USP33: variants seen among roughly 807,000 people sequenced by gnomAD.
USP33 encodes the protein ubiquitin specific peptidase 33.
A neutral mutation model predicts 124.2 loss-of-function variants in USP33; 46 were observed. That is an observed-to-expected ratio of 0.37 (90% CI 0.29 to 0.47). The LOEUF (loss-of-function observed/expected upper bound fraction) is 0.47, where lower values mean the gene tolerates loss of function less well. USP33 is among the 20% of genes least tolerant of loss of function. The probability of loss-of-function intolerance (pLI) is 0.99; values close to 1 mark genes in which losing one functional copy is unlikely to be tolerated. For synonymous variants in USP33, 350 were observed against 352.3 expected, an observed-to-expected ratio of 0.99 and a Z score of 0.07; for missense variants, 851 against 1,070.6, an observed-to-expected ratio of 0.79 and a Z score of 2.86.
At chr1:77,736,485 G>A (rs1378970754) in intron 5 of USP33, among the ~76,000 whole-genome samples, 1 of 152,156 alleles carries the variant, frequency 6.6e-6, no homozygotes, top group Non-Finnish European at 1.5e-5. Context: ...ATCTCCGAAG[G>A]ATACTATCCT....
At chr1:77,731,447 T>C (rs1220310820) in intron 7 of USP33, among the ~76,000 whole-genome samples, 2 of 152,196 alleles carry the variant, frequency 1.3e-5, no homozygotes, top group Non-Finnish European at 2.9e-5. Context: ...GGAAACTGAT[T>C]AGGCAAAGGA....
intron 15 of USP33, among the ~76,000 whole-genome samples, chr1:77,720,165 GAAAAAAAAAAAAAA>G (rs745681259): frequency 7.0e-4 from 30 of 42,746 alleles, no homozygotes; most frequent in East Asian, 2.4e-3. Context: ...TGTCTCAAAT[GAAAAAAAAAAAAAA>G]AAAAAAAAAA....
At chr1:77,722,222 TG>T in intron 12 of USP33, 26 bp from the exon 13 acceptor site, 1 of 1,596,264 alleles carries the variant, frequency 6.3e-7, no homozygotes, top group Non-Finnish European at 8.5e-7. Context: ...GTTTTAAAAA[TG>T]GGATGAACAT....
At position 77,696,548 on chromosome 1, in the gene USP33, T is replaced by G. The variant is rs1673455444; in HGVS notation, c.*769A>C. ...CCTGAGCTTTAGGAAATTAACAATT[T>G]TCTGACTACTACTTTCAACTTAAAA... On this transcript the variant is annotated 3_prime_UTR_variant, in exon 24 of 24. Transcript: ENST00000370794. 6.6e-6 allele frequency: 1 copy of G among 152,578 alleles called. No individual in the cohort carries two copies. The highest frequency in any genetic ancestry group is 1.5e-5 in the Non-Finnish European group (1 of 68,048). 9.5% of individuals were successfully genotyped at this position (152,578 alleles called of 1,614,324 possible). A position where few individuals can be genotyped will look rare whatever the true frequency, so the allele number is the denominator to read the frequency against.
Position 77,697,356 on chromosome 1 carries a change from T to C in USP33, c.2697A>G (p.Gln899=), listed in dbSNP as rs1673517235. ...PVVHVDPDIL[Q]AEEKIEVETR... ...TTTCTACTTCAATTTTTTCTTCTGC[T>C]TGAAGTATATCTGGATCAACATGAA... is the stretch of plus-strand genomic sequence containing the variant. The change falls in exon 24 of 24, where the codon CAA becomes CAG. Residue 899 remains glutamine (Q), a synonymous_variant. Transcript: ENST00000370794. The C allele has an allele frequency of 6.2e-7, 1 of 1,609,616 alleles. No individual in the cohort carries two copies. The highest frequency in any genetic ancestry group is 1.1e-5 in the South Asian group (1 of 89,790).
intron 19 of USP33, among the ~76,000 whole-genome samples, chr1:77,714,066 A>G (rs571362804): frequency 6.6e-6 from 1 of 152,354 alleles, no homozygotes; most frequent in African/African-American, 2.4e-5. Flanking sequence ...TATTTATTGT[A>G]GAAATAAACA....
chr1:77,728,537 C>T lies in USP33; in HGVS notation c.893G>A (p.Arg298Lys), dbSNP rs1677423263. 1 of 1,613,988 alleles carries T rather than the reference C, an allele frequency of 6.2e-7. No individual in the cohort carries two copies. The highest frequency in any genetic ancestry group is 8.5e-7 in the Non-Finnish European group (1 of 1,180,020). The change falls in exon 10 of 24, where the codon AGA becomes AAA. Residue 298 changes from arginine to lysine, a missense_variant. Arg to Lys is a conservative substitution (Grantham distance 26). Transcript: ENST00000370794. Reference protein sequence around the residue: ...QSCESCSNSDRAENENGSRCF... With the variant: ...QSCESCSNSDKAENENGSRCF... ...TCTAGAGCCATTTTCATTTTCTGCT[C>T]TATCACTGTTGCTACAAGATTCACA...
chr1:77,718,664 CAATT>C, intron 15 of USP33, 23 bp from the exon 16 acceptor site: 1 of 1,575,112 alleles, frequency 6.3e-7, no homozygotes. Context: ...AAGAGAAAAT[CAATT>C]AGTCTACAAA....
chr1:77,734,395 A>G lies in USP33; in HGVS notation c.476T>C (p.Ile159Thr), dbSNP rs1678183607. 3 of 1,598,646 alleles carry G rather than the reference A, an allele frequency of 1.9e-6. No homozygotes were observed. Among genetic ancestry groups the G allele is most frequent in the Admixed American group, 3.5e-5 (2 of 56,660 alleles). Reference protein sequence around the residue: ...RARGLTGLKNIGNTCYMNAAL... With the variant: ...RARGLTGLKNTGNTCYMNAAL... ...TGCATTCATGTAACAAGTATTTCCA[A>G]TATTTTTCAAACCTGTAAGACCTAT... is the stretch of plus-strand genomic sequence containing the variant. The change falls in exon 7 of 24, where the codon ATT becomes ACT. Residue 159 changes from isoleucine (I) to threonine (T), a missense_variant. Ile to Thr is a moderately conservative substitution (Grantham distance 89). Around this residue, in one of 4 missense-constraint regions of USP33, gnomAD observed 221 missense variants for 302.9 expected, o/e 0.73. Coordinates refer to ENST00000370794, the MANE Select transcript of USP33 (RefSeq NM_201624.3).
At chr1:77,750,460 C>T (rs1680193501) in intron 1 of USP33, among the ~76,000 whole-genome samples, 1 of 151,876 alleles carries the variant, frequency 6.6e-6, no homozygotes, top group Non-Finnish European at 1.5e-5. Flanking sequence ...TGGTGAAACC[C>T]CATCTCTCTA....
chr1:77,721,527 T>C (rs1182279450), intron 14 of USP33: 1 of 497,180 alleles, frequency 2.0e-6, no homozygotes, highest in South Asian at 2.6e-5. Flanking sequence ...TAGTTCACAA[T>C]TACAGACACA....
intron 7 of USP33, among the ~76,000 whole-genome samples, chr1:77,732,001 G>C (rs1002564484): frequency 4.0e-5 from 6 of 151,806 alleles, no homozygotes; most frequent in Admixed American, 3.3e-4. Flanking sequence ...CTACTTGGCA[G>C]GCTGAGGCAG....
intron 20 of USP33, among the ~76,000 whole-genome samples, chr1:77,712,735 G>A (rs1170284687): frequency 6.6e-6 from 1 of 152,040 alleles, no homozygotes; most frequent in Non-Finnish European, 1.5e-5. Flanking sequence ...ATGCACGCCT[G>A]TGATCCCAGC....
intron 17 of USP33, 156 bp downstream of exon 17, chr1:77,717,711 T>C (rs1676085195): frequency 6.5e-6 from 3 of 463,942 alleles, no homozygotes; most frequent in African/African-American, 4.0e-5. Context: ...GGTTTCACTA[T>C]GCTGCCCAAG....
intron 9 of USP33, among the ~76,000 whole-genome samples, chr1:77,729,382 A>AG (rs1677536322): frequency 6.6e-6 from 1 of 151,732 alleles, no homozygotes; most frequent in East Asian, 1.9e-4. Context: ...AAAAAAAAAA[A>AG]AAAAAAAGGC....
intron 21 of USP33, among the ~76,000 whole-genome samples, chr1:77,710,222 A>T (rs1285188613): frequency 6.6e-6 from 1 of 152,048 alleles, no homozygotes; most frequent in African/African-American, 2.4e-5. Flanking sequence ...ACTATACAGA[A>T]ATTCTCTTTA....
chr1:77,758,030 TAA>T (rs1480451043), intron 1 of USP33, among the ~76,000 whole-genome samples: 6 of 152,124 alleles, frequency 3.9e-5, no homozygotes, highest in African/African-American at 1.4e-4. Flanking sequence ...TGCTTACTGT[TAA>T]GTTATAAAAA....
intron 7 of USP33, among the ~76,000 whole-genome samples, chr1:77,731,122 C>T (rs76261918): frequency 2.0e-5 from 3 of 152,270 alleles, no homozygotes; most frequent in African/African-American, 7.2e-5. Flanking sequence ...AAGGATTCCT[C>T]GGGACTTGAT....
rs1679157539 is a variant in USP33 at position 77,741,873 on chromosome 1, T to A, written c.-51-125A>T. 6.3e-6 allele frequency: 6 copies of A among 952,124 alleles called. No individual in the cohort carries two copies. The African/African-American group carries it at 8.5e-5, about 13-fold the overall frequency. The allele number at this position is 952,124 out of a possible 1,614,324, so 59.0% of individuals were successfully genotyped here. A position where few individuals can be genotyped will look rare whatever the true frequency, so the allele number is the denominator to read the frequency against. ...TGATTAAAAGATAACATAAGAATGA[T>A]ATAAGTTTGCCCTGTAAAAAGAGTG... On this transcript the variant is annotated intron_variant, in intron 1 of 23. Coordinates refer to ENST00000370794, the MANE Select transcript of USP33 (RefSeq NM_201624.3).
Sources: gnomAD v4.1 joint callset for allele counts (sites outside exome capture counted in the v4.1 genomes callset) on GRCh38, gnomAD v4.1.1 for gene constraint, gnomAD v4.1.1 regional missense constraint, MANE v1.5 for transcripts, NCBI Gene and HGNC (gene_info 2026-07-23, HGNC 2026-07-21) for gene names.